The following GPR153 variants were observed in gnomAD, a reference collection of about 807,000 sequenced individuals.
The protein encoded by GPR153 is G protein-coupled receptor 153, also known as probable G protein-coupled receptor 153.
GPR153 carries 27 observed loss-of-function variants against 34.1 expected under a neutral mutation model. The ratio of observed to expected loss-of-function variants is 0.79; its 90% CI spans 0.58 to 1.09. The LOEUF (loss-of-function observed/expected upper bound fraction) is 1.09. GPR153 is among the 50% of genes least tolerant of loss of function. The pLI is 0.00. For synonymous variants in GPR153, 408 were observed against 405.4 expected (o/e 1.01, Z -0.08); for missense variants, 848 against 860.2 (o/e 0.99, Z 0.18).
chr1:6,249,024 G>A lies in GPR153; in HGVS notation c.*314C>T. On this transcript the variant is annotated 3_prime_UTR_variant, in exon 6 of 6. Transcript: ENST00000377893. The surrounding 1 kb of genome is among the most constrained non-coding windows in gnomAD (Gnocchi z 4.3). ...TCCCGACGTCCTGTTGCGCAGGGCT[G>A]GTGATGGCGCAGCTGGACGTGTGCA... 1 of 252,872 alleles carries A rather than the reference G, an allele frequency of 4.0e-6. No homozygotes were observed. The highest frequency in any genetic ancestry group is 2.2e-5 in the African/African-American group (1 of 44,926). The allele number at this position is 252,872 out of a possible 1,614,324, so 15.7% of individuals were successfully genotyped here.
rs530911189 is a variant in GPR153 at position 6,249,481 on chromosome 1, G to C, written c.1687C>G (p.Pro563Ala). 11 of 1,294,620 alleles carry C rather than the reference G, an allele frequency of 8.5e-6. No homozygotes were observed. Among genetic ancestry groups the C allele is most frequent in the East Asian group, 6.4e-5 (2 of 31,446 alleles). The allele number at this position is 1,294,620 out of a possible 1,614,324, so 80.2% of individuals were successfully genotyped here. The change falls in exon 6 of 6, where the codon CCC becomes GCC. Residue 563 changes from proline (P) to alanine (A), a missense_variant. Coordinates refer to ENST00000377893, the MANE Select transcript of GPR153 (RefSeq NM_207370.4). The surrounding 1 kb of genome is among the most constrained non-coding windows in gnomAD (Gnocchi z 4.3). ...TCGCCCCACGACGCGCTCAGGCCGG[G>C]GCGCAGAGAGCCGGCGTGCGAGTGC... ...SAHSHAGSLR[P>A]GLSASWGEPG... is the part of the protein sequence containing the mutation.
intron 2 of GPR153, 132 bp downstream of exon 2, chr1:6,254,418 C>A: frequency 1.1e-6 from 1 of 884,232 alleles, no homozygotes; most frequent in Non-Finnish European, 1.8e-6. Flanking sequence ...TACAGCAGCC[C>A]CTCCTGAGCC....
chr1:6,253,474 T>C (rs1161693830), intron 3 of GPR153, among the ~76,000 whole-genome samples: 2 of 152,214 alleles, frequency 1.3e-5, no homozygotes, highest in Admixed American at 6.5e-5. Flanking sequence ...TCTTCTGCAC[T>C]GTAGCAGCTA....
At chr1:6,250,039 C>T (rs1427138064) in intron 5 of GPR153, 36 bp from the exon 6 acceptor site, 1 of 1,257,016 alleles carries the variant, frequency 8.0e-7, no homozygotes, top group East Asian at 3.2e-5. Context: ...CCCGAGCTGC[C>T]CTCCTGGGAA....
rs770961907 is a variant in GPR153, at chr1:6,251,307, C to A, written c.979+31G>T. The A allele has an allele frequency of 1.3e-6, 2 of 1,546,004 alleles. No homozygotes were observed. Among genetic ancestry groups the A allele is most frequent in the East Asian group, 4.5e-5 (2 of 43,998 alleles). ...CCAATGACCTAACCTAGACGCCACTCTCCCTGGGGCCACTCTCAGGCCATC... is the reference window on the plus strand; with the variant it reads ...CCAATGACCTAACCTAGACGCCACTATCCCTGGGGCCACTCTCAGGCCATC... On this transcript the variant is annotated intron_variant, in intron 4 of 5. Coordinates refer to ENST00000377893, the MANE Select transcript of GPR153 (RefSeq NM_207370.4). The surrounding 1 kb of genome is among the most constrained non-coding windows in gnomAD (Gnocchi z 4.9).
At position 6,249,347 on chromosome 1, in the gene GPR153, G is replaced by A; in HGVS notation, c.1821C>T (p.Ser607=). The A allele has an allele frequency of 7.6e-7, 1 of 1,309,900 alleles. No homozygotes were observed. Among genetic ancestry groups the A allele is most frequent in the Non-Finnish European group, 9.7e-7 (1 of 1,031,240 alleles). The allele number at this position is 1,309,900 out of a possible 1,614,324, so 81.1% of individuals were successfully genotyped here. The part of the protein sequence containing the change: ...YATLHSDSLG[S]AS ...GGAGGCGCCGGCGGTCCTAGGACGCGGAGCCCAGCGAGTCCGAGTGCAGCG... is the reference window on the plus strand; with the variant it reads ...GGAGGCGCCGGCGGTCCTAGGACGCAGAGCCCAGCGAGTCCGAGTGCAGCG... The change falls in exon 6 of 6, where the codon TCC becomes TCT. Residue 607 remains serine (S), a synonymous_variant. Transcript: ENST00000377893. This position sits in a 1 kb window ranked among gnomAD's most constrained non-coding sequence, Gnocchi z 4.3.
In GPR153 at chr1:6,250,530, C is replaced by A; in HGVS notation, c.1074G>T (p.Met358Ile). 6.2e-7 allele frequency: 1 copy of A among 1,608,154 alleles called. No homozygotes were observed. Among genetic ancestry groups the A allele is most frequent in the Admixed American group, 1.7e-5 (1 of 59,350 alleles). The change falls in exon 5 of 6, where the codon ATG becomes ATT. Residue 358 changes from methionine (M) to isoleucine (I), a missense_variant. By Grantham distance (10) the Met-to-Ile change is conservative. Coordinates refer to ENST00000377893, the MANE Select transcript of GPR153 (RefSeq NM_207370.4). ...YGGDFVALDR[M>I]AKYEISALEG... ...CCAGGGCGGAGATCTCATACTTGGCCATCCTATCTAGGGCCACAAAATCAC... is the reference window on the plus strand; with the variant it reads ...CCAGGGCGGAGATCTCATACTTGGCAATCCTATCTAGGGCCACAAAATCAC...
In GPR153 at chr1:6,254,019, C is replaced by T. The variant is rs745554561; in HGVS notation, c.485G>A (p.Arg162His). The change falls in exon 3 of 6, where the codon CGC becomes CAC. Residue 162 changes from arginine to histidine, a missense_variant. By Grantham distance (29) the Arg-to-His change is conservative. Transcript: ENST00000377893. ...TSERFYTHGC[R>H]FIVAEIGLGF... ...CAGGCCGATCTCAGCCACGATGAAG[C>T]GGCAGCCATGGGTGTAGAAGCGCTC... 1.2e-5 allele frequency: 19 copies of T among 1,613,462 alleles called. No homozygotes were observed. Among genetic ancestry groups the T allele is most frequent in the South Asian group, 2.2e-5 (2 of 91,090 alleles).
At chr1:6,260,507 G>C (rs1638652466) in intron 1 of GPR153, among the ~76,000 whole-genome samples, 1 of 151,636 alleles carries the variant, frequency 6.6e-6, no homozygotes, top group South Asian at 2.1e-4. Context: ...GCGGGACTGC[G>C]GCCCCCGGAC....
rs1285762716 is a variant in GPR153 at position 6,249,956 on chromosome 1, G to A, written c.1212C>T (p.Ala404=). Reference sequence around the variant, plus strand: ...GCAGGAAGGCGGGCAGCGGGACGGCGGCCCACACGTCCGCATCGTCGTGGG... The same window carrying A: ...GCAGGAAGGCGGGCAGCGGGACGGCAGCCCACACGTCCGCATCGTCGTGGG... ...RFSHDDADVW[A]AVPLPAFLPR... Residue 404 remains alanine (A), a synonymous_variant, in exon 6 of 6, where the codon GCC becomes GCT. Transcript: ENST00000377893. This position sits in a 1 kb window ranked among gnomAD's most constrained non-coding sequence, Gnocchi z 4.3. 2.3e-6 allele frequency: 3 copies of A among 1,281,982 alleles called. No homozygotes were observed. The highest frequency in any genetic ancestry group is 3.0e-6 in the Non-Finnish European group (3 of 1,009,126). The allele number at this position is 1,281,982 out of a possible 1,614,324, so 79.4% of individuals were successfully genotyped here.
chr1:6,252,475 G>A (rs1464223188), intron 3 of GPR153, among the ~76,000 whole-genome samples: 3 of 152,086 alleles, frequency 2.0e-5, no homozygotes, highest in Non-Finnish European at 1.5e-5. Context: ...TGAAGCCCCT[G>A]CCCTCCATCT....
chr1:6,250,184 C>T lies in GPR153; in HGVS notation c.1165-181G>A. On this transcript the variant is annotated intron_variant, in intron 5 of 5. Transcript: ENST00000377893. ...CGAGCCGCAGGGCTGTGTCAGACAGCTGGGGTCGGTTGGGGAGGGCGCTCG... is the reference window on the plus strand; with the variant it reads ...CGAGCCGCAGGGCTGTGTCAGACAGTTGGGGTCGGTTGGGGAGGGCGCTCG... 5.1e-6 allele frequency: 5 copies of T among 985,410 alleles called. No homozygotes were observed. The South Asian group carries it at 2.3e-4, about 46-fold the overall frequency. The allele number at this position is 985,410 out of a possible 1,614,324, so 61.0% of individuals were successfully genotyped here.
rs1221241093 is a variant in GPR153 at position 6,248,360 on chromosome 1, C to T, written c.*978G>A. The T allele has an allele frequency of 6.6e-6, 1 of 152,278 alleles. No individual in the cohort carries two copies. Among genetic ancestry groups the T allele is most frequent in the African/African-American group, 2.4e-5 (1 of 41,388 alleles). The allele number at this position is 152,278 out of a possible 1,614,324, so 9.4% of individuals were successfully genotyped here. The stretch of plus-strand genomic sequence containing the variant: ...AGTGAGGCTGGGGATGACGCAGGGA[C>T]ACGGAAGGCCAGGCCCTGCTGCCCT... On this transcript the variant is annotated 3_prime_UTR_variant, in exon 6 of 6. Transcript: ENST00000377893.
intron 1 of GPR153, among the ~76,000 whole-genome samples, chr1:6,259,623 T>C (rs774605800): frequency 2.0e-5 from 3 of 151,540 alleles, no homozygotes; most frequent in Non-Finnish European, 2.9e-5. Context: ...ACGGAGAGAA[T>C]AGTGTCAGGG....
Position 6,249,322 on chromosome 1 carries a change from G to T in GPR153, c.*16C>A. ...GGCCTGGCCTGCCTGGCGTCCGTGGGGAGGCGCCGGCGGTCCTAGGACGCG... is the reference window on the plus strand; with the variant it reads ...GGCCTGGCCTGCCTGGCGTCCGTGGTGAGGCGCCGGCGGTCCTAGGACGCG... On this transcript the variant is annotated 3_prime_UTR_variant, in exon 6 of 6. Coordinates refer to ENST00000377893, the MANE Select transcript of GPR153 (RefSeq NM_207370.4). The surrounding 1 kb of genome is among the most constrained non-coding windows in gnomAD (Gnocchi z 4.3). 1 of 1,266,320 alleles carries T rather than the reference G, an allele frequency of 7.9e-7. No individual in the cohort carries two copies. The highest frequency in any genetic ancestry group is 9.9e-7 in the Non-Finnish European group (1 of 1,006,776). 78.4% of individuals were successfully genotyped at this position (1,266,320 alleles called of 1,614,324 possible).
rs1638373122 is a variant in GPR153, at chr1:6,249,231, G to A, written c.*107C>T. 1 of 802,860 alleles carries A rather than the reference G, an allele frequency of 1.2e-6. No individual in the cohort carries two copies. 49.7% of individuals were successfully genotyped at this position (802,860 alleles called of 1,614,324 possible). On this transcript the variant is annotated 3_prime_UTR_variant, in exon 6 of 6. Coordinates refer to ENST00000377893, the MANE Select transcript of GPR153 (RefSeq NM_207370.4). This position sits in a 1 kb window ranked among gnomAD's most constrained non-coding sequence, Gnocchi z 4.3. ...GAGGCCAACGCCCCCTCACCCCTGGGAGGGGTGGCGCATGTCTGCGCGCGG... is the reference window on the plus strand; with the variant it reads ...GAGGCCAACGCCCCCTCACCCCTGGAAGGGGTGGCGCATGTCTGCGCGCGG...
chr1:6,260,385 C>CG (rs1249677575), intron 1 of GPR153, among the ~76,000 whole-genome samples: 1 of 66,386 alleles, frequency 1.5e-5, no homozygotes, highest in African/African-American at 5.6e-5. Context: ...ATCCCCCCCC[C>CG]CCCCCGCAAT....
chr1:6,250,003 C>T lies in GPR153; in HGVS notation c.1165G>A (p.Val389Ile). The T allele has an allele frequency of 8.0e-7, 1 of 1,257,236 alleles. No individual in the cohort carries two copies. Among genetic ancestry groups the T allele is most frequent in the Non-Finnish European group, 1.0e-6 (1 of 994,438 alleles). 77.9% of individuals were successfully genotyped at this position (1,257,236 alleles called of 1,614,324 possible). A position where few individuals can be genotyped will look rare whatever the true frequency, so the allele number is the denominator to read the frequency against. Residue 389 changes from valine (V) to isoleucine (I), a missense_variant and splice_region_variant, in exon 6 of 6, where the codon GTC becomes ATC. Transcript: ENST00000377893. ...TGGGAGAAGCGCCGCGTGGGCGGGA[C>T]CTGTCAGGACGCGGCTGGCTTTTAC... ...LQEDKMQYLQ[V>I]PPTRRFSHDD...
intron 1 of GPR153, among the ~76,000 whole-genome samples, chr1:6,259,963 G>A (rs561117108): frequency 2.0e-5 from 3 of 151,942 alleles, no homozygotes; most frequent in Admixed American, 2.0e-4. Context: ...CTCCTGCAGG[G>A]CACTTAAAGC....
Sources: gnomAD v4.1 joint callset for allele counts (sites outside exome capture counted in the v4.1 genomes callset) on GRCh38, gnomAD v4.1.1 for gene constraint, Gnocchi (gnomAD v3.1) non-coding constraint, MANE v1.5 for transcripts, NCBI Gene and HGNC (gene_info 2026-07-23, HGNC 2026-07-21) for gene names.